SDHAF4: variants seen among roughly 807,000 people sequenced by gnomAD.
SDHAF4 encodes the protein succinate dehydrogenase assembly factor 4, mitochondrial.
A neutral mutation model predicts 14.3 loss-of-function variants in SDHAF4; 14 were observed. The observed-to-expected ratio is 0.98, with a 90% CI of 0.65 to 1.53. SDHAF4 has a LOEUF of 1.53. Ranked by LOEUF, SDHAF4 falls within the 40% of genes most tolerant of loss-of-function variation. SDHAF4 has a pLI of 0.00. For missense variants in SDHAF4, 141 were observed against 129.3 expected, an observed-to-expected ratio of 1.09 and a Z score of -0.44; for synonymous variants, 63 against 47.3, an observed-to-expected ratio of 1.33 and a Z score of -1.36.
intron 1 of SDHAF4, among the ~76,000 whole-genome samples, chr6:70,579,059 AT>A (rs1802289712): frequency 6.6e-6 from 1 of 152,228 alleles, no homozygotes; most frequent in Non-Finnish European, 1.5e-5. Flanking sequence ...ACTTTTAGAG[AT>A]TTGAATACTA....
intron 1 of SDHAF4, among the ~76,000 whole-genome samples, chr6:70,577,895 C>T (rs943608178): frequency 7.9e-5 from 12 of 152,156 alleles, no homozygotes; most frequent in African/African-American, 2.9e-4. Context: ...CAGCAAAGGA[C>T]ATGATTTCAT....
At chr6:70,593,502 A>G (rs1374527747), downstream of SDHAF4, among the ~76,000 whole-genome samples, 1 of 152,198 alleles carries the variant, frequency 6.6e-6, no homozygotes, top group Admixed American at 6.5e-5. Flanking sequence ...AGCTACCAGT[A>G]TGCAACACCA....
intron 1 of SDHAF4, among the ~76,000 whole-genome samples, chr6:70,571,869 C>T (rs1236756970): frequency 6.6e-6 from 1 of 151,822 alleles, no homozygotes. Context: ...GGTAAGTTAA[C>T]TTTTTCTGGA....
At chr6:70,569,538 C>T (rs2128533361) in intron 1 of SDHAF4, among the ~76,000 whole-genome samples, 1 of 152,340 alleles carries the variant, frequency 6.6e-6, no homozygotes, top group Admixed American at 6.5e-5. Context: ...GCTGCCACGC[C>T]CGGCCTTTTT....
chr6:70,591,148 C>T (rs1041038805), downstream of SDHAF4, among the ~76,000 whole-genome samples: 6 of 152,110 alleles, frequency 3.9e-5, no homozygotes, highest in Non-Finnish European at 7.4e-5. Flanking sequence ...CCCCTACAGA[C>T]ACATCCAGAA....
intron 1 of SDHAF4, among the ~76,000 whole-genome samples, chr6:70,576,786 C>T (rs529494018): frequency 6.6e-6 from 1 of 152,208 alleles, no homozygotes; most frequent in Non-Finnish European, 1.5e-5. Context: ...TCAGCAATCT[C>T]ATGTGACAGG....
At chr6:70,580,083 TA>T (rs1476996506) in intron 2 of SDHAF4, among the ~76,000 whole-genome samples, 1 of 152,098 alleles carries the variant, frequency 6.6e-6, no homozygotes, top group Non-Finnish European at 1.5e-5. Context: ...AATATATGTG[TA>T]TATTATATGT....
At chr6:70,573,235 T>G (rs1802207461) in intron 1 of SDHAF4, among the ~76,000 whole-genome samples, 1 of 151,906 alleles carries the variant, frequency 6.6e-6, no homozygotes, top group South Asian at 2.1e-4. Flanking sequence ...TAAATTCTCT[T>G]TTCAATTGTA....
intron 1 of SDHAF4, among the ~76,000 whole-genome samples, chr6:70,573,367 G>A (rs984008840): frequency 6.8e-6 from 1 of 146,140 alleles, no homozygotes; most frequent in African/African-American, 2.6e-5. Context: ...GGGTTCAAGT[G>A]ATTCTCCTGC....
rs1554183414 is a variant in SDHAF4 at position 70,588,856 on chromosome 6, T to TATATATA, written c.*132_*133insATATATA. 49 of 324,904 alleles carry TATATATA rather than the reference T, an allele frequency of 1.5e-4. No homozygotes were observed. The highest frequency in any genetic ancestry group is 1.7e-4 in the Non-Finnish European group (29 of 174,340). The allele number at this position is 324,904 out of a possible 1,614,324, so 20.1% of individuals were successfully genotyped here. On this transcript the variant is annotated 3_prime_UTR_variant, in exon 3 of 3. Transcript: ENST00000370474. ...TAATGTGTTTAAATATATATATATA[T>TATATATA]GATGGCTTTGGAAGAAAATATGCTG...
chr6:70,594,123 C>T (rs969637147), downstream of SDHAF4, among the ~76,000 whole-genome samples: 8 of 152,170 alleles, frequency 5.3e-5, no homozygotes, highest in Admixed American at 3.9e-4. Context: ...ACCGTTGTAT[C>T]TTGGAAGTAG....
intron 1 of SDHAF4, among the ~76,000 whole-genome samples, chr6:70,576,605 A>G (rs973561225): frequency 3.9e-5 from 6 of 152,226 alleles, no homozygotes; most frequent in Non-Finnish European, 5.9e-5. Context: ...GTTTGTGTCT[A>G]TTTCTTTAAA....
chr6:70,583,896 G>T (rs944630825), intron 2 of SDHAF4, among the ~76,000 whole-genome samples: 6 of 152,326 alleles, frequency 3.9e-5, no homozygotes, highest in South Asian at 2.1e-4. Context: ...CAGTGTAAGG[G>T]CTTTATGCAG....
rs764046123 is a variant in SDHAF4, at chr6:70,588,951, T to C, written c.*227T>C. 6.3e-5 allele frequency: 12 copies of C among 191,418 alleles called. No homozygotes were observed. The highest frequency in any genetic ancestry group is 1.1e-4 in the Non-Finnish European group (10 of 92,784). 11.9% of individuals were successfully genotyped at this position (191,418 alleles called of 1,614,324 possible). On this transcript the variant is annotated 3_prime_UTR_variant, in exon 3 of 3. Coordinates refer to ENST00000370474, the MANE Select transcript of SDHAF4 (RefSeq NM_145267.3). ...TCTCGCCTTTACTAAAAATACAAAA[T>C]TAGCCAGGCGTGGTGGCATGCACCT...
At chr6:70,568,039 A>C (rs1193203838) in intron 1 of SDHAF4, among the ~76,000 whole-genome samples, 4 of 152,248 alleles carry the variant, frequency 2.6e-5, no homozygotes, top group Admixed American at 1.3e-4. Context: ...AGTTGAAAAC[A>C]GTAATTATTG....
intron 1 of SDHAF4, among the ~76,000 whole-genome samples, chr6:70,569,084 GC>G (rs1464918512): frequency 4.8e-5 from 7 of 146,256 alleles, no homozygotes; most frequent in Non-Finnish European, 7.4e-5. Flanking sequence ...TCCTGCCTCA[GC>G]CTCCCGTGTA....
chr6:70,593,031 C>A (rs1186721220), downstream of SDHAF4, among the ~76,000 whole-genome samples: 1 of 152,224 alleles, frequency 6.6e-6, no homozygotes, highest in African/African-American at 2.4e-5. Context: ...GGCTTGCTGC[C>A]CCGGGCTGCC....
rs1554183414 is a variant in SDHAF4 at position 70,588,856 on chromosome 6, T to TATATATATATATATATATATATATATATA, written c.*132_*133insATATATATATATATATATATATATATATA. The TATATATATATATATATATATATATATATA allele has an allele frequency of 2.5e-5, 8 of 324,542 alleles. No individual in the cohort carries two copies. Among genetic ancestry groups the TATATATATATATATATATATATATATATA allele is most frequent in the Non-Finnish European group, 3.4e-5 (6 of 174,108 alleles). 20.1% of individuals were successfully genotyped at this position (324,542 alleles called of 1,614,324 possible). ...TAATGTGTTTAAATATATATATATA[T>TATATATATATATATATATATATATATATA]GATGGCTTTGGAAGAAAATATGCTG... On this transcript the variant is annotated 3_prime_UTR_variant, in exon 3 of 3. Coordinates refer to ENST00000370474, the MANE Select transcript of SDHAF4 (RefSeq NM_145267.3).
At position 70,579,565 on chromosome 6, in the gene SDHAF4, A is replaced by T; in HGVS notation, c.216A>T (p.Glu72Asp). 1 of 1,589,794 alleles carries T rather than the reference A, an allele frequency of 6.3e-7. No homozygotes were observed. The highest frequency in any genetic ancestry group is 1.7e-4 in the Middle Eastern group (1 of 5,998). ...CCCATTTAGAGAAAGAACCACTGGA[A>T]AGTAAGTATAATAAAGCACCTCTCA... ...EDSHLEKEPL[E>D]KFPDDVNPVT... Residue 72 changes from glutamate (E) to aspartate (D), a missense_variant and splice_region_variant, in exon 2 of 3, where the codon GAA becomes GAT. Transcript: ENST00000370474.
Sources: allele counts gnomAD v4.1 joint callset (sites outside exome capture counted in the v4.1 genomes callset), GRCh38; gene constraint gnomAD v4.1.1; transcripts MANE v1.5; gene names NCBI Gene and HGNC (gene_info 2026-07-23, HGNC 2026-07-21).